Variants in GRIK3 observed in about 807,000 individuals in gnomAD.
GRIK3 encodes glutamate ionotropic receptor kainate type subunit 3.
GRIK3 carries 29 observed loss-of-function variants against 102.5 expected under a neutral mutation model. The ratio of observed to expected loss-of-function variants is 0.28; its 90% CI spans 0.21 to 0.39. The LOEUF is 0.39. Among genes scored for constraint, GRIK3 ranks in the 10% least tolerant of loss-of-function variants. The pLI, the probability that GRIK3 is intolerant of heterozygous loss-of-function variation, is 1.00. For missense variants in GRIK3, 908 were observed against 1,252.4 expected, an observed-to-expected ratio of 0.73 and a Z score of 4.15; for synonymous variants, 511 against 504.9, an observed-to-expected ratio of 1.01 and a Z score of -0.16.
chr1:36,870,747 A>G (rs1640833820), intron 4 of GRIK3, among the ~76,000 whole-genome samples: 1 of 152,214 alleles, frequency 6.6e-6, no homozygotes, highest in Admixed American at 6.5e-5. Flanking sequence ...CCTTGGGTCC[A>G]TTACTTTCCC....
At chr1:36,873,115 C>T (rs1322512629) in intron 3 of GRIK3, among the ~76,000 whole-genome samples, 6 of 152,200 alleles carry the variant, frequency 3.9e-5, no homozygotes, top group Admixed American at 1.3e-4. Context: ...GCAATGGCCT[C>T]CTCTGGCCCC....
intron 15 of GRIK3, among the ~76,000 whole-genome samples, chr1:36,804,173 C>CGT (rs1642473092): frequency 6.6e-6 from 1 of 152,198 alleles, no homozygotes; most frequent in South Asian, 2.1e-4. Context: ...TCGTTTTTTA[C>CGT]GGATATGTAA....
chr1:37,017,739 ACT>A (rs1365040052), intron 1 of GRIK3, among the ~76,000 whole-genome samples: 5 of 151,942 alleles, frequency 3.3e-5, no homozygotes, highest in African/African-American at 7.3e-5. Flanking sequence ...TTTTAAAAAG[ACT>A]CTCTCCAACC....
At chr1:36,944,112 T>C (rs1454583658) in intron 1 of GRIK3, among the ~76,000 whole-genome samples, 2 of 152,330 alleles carry the variant, frequency 1.3e-5, no homozygotes, top group Middle Eastern at 3.4e-3. Flanking sequence ...CTGGGATACA[T>C]ACAGCTCAAA....
chr1:36,985,972 G>A (rs1328271117), intron 1 of GRIK3, among the ~76,000 whole-genome samples: 2 of 151,790 alleles, frequency 1.3e-5, no homozygotes, highest in Non-Finnish European at 2.9e-5. Context: ...GAGTGTAGGG[G>A]CAGGGATGGT....
chr1:37,030,550 C>CG (rs976751082), intron 1 of GRIK3, among the ~76,000 whole-genome samples: 1 of 121,392 alleles, frequency 8.2e-6, no homozygotes, highest in African/African-American at 3.8e-5. Context: ...CCACCCCCTC[C>CG]CCCCCCCCAA....
intron 1 of GRIK3, among the ~76,000 whole-genome samples, chr1:36,979,216 G>A (rs565618526): frequency 9.5e-4 from 144 of 152,324 alleles, no homozygotes; most frequent in African/African-American, 3.2e-3. Flanking sequence ...ACCAGCCCTC[G>A]CTACAACACA....
At chr1:36,960,134 CTGTGCCCCTTGAGCCTG>C (rs1641988885) in intron 1 of GRIK3, among the ~76,000 whole-genome samples, 1 of 93,244 alleles carries the variant, frequency 1.1e-5, no homozygotes, top group East Asian at 6.8e-4. Flanking sequence ...CCTCGTGAGC[CTGTGCCCCTTGAGCCTG>C]TGTGCCCTGT....
intron 1 of GRIK3, among the ~76,000 whole-genome samples, chr1:37,018,931 T>A (rs1453257489): frequency 6.6e-6 from 1 of 152,174 alleles, no homozygotes; most frequent in East Asian, 1.9e-4. Flanking sequence ...GAGAGCCTCT[T>A]TGCTGCAACC....
At chr1:37,002,219 T>A (rs939903182) in intron 1 of GRIK3, among the ~76,000 whole-genome samples, 2 of 152,214 alleles carry the variant, frequency 1.3e-5, no homozygotes, top group African/African-American at 4.8e-5. Flanking sequence ...GCTAGTTGCA[T>A]ATAACAAAGA....
At chr1:36,831,421 C>T (rs913312628) in intron 10 of GRIK3, among the ~76,000 whole-genome samples, 2 of 152,216 alleles carry the variant, frequency 1.3e-5, no homozygotes, top group Non-Finnish European at 2.9e-5. Flanking sequence ...GGACTATTCC[C>T]AGGGGACTCT....
chr1:36,869,884 A>G (rs509284), intron 4 of GRIK3, 83 bp from the exon 5 acceptor site: 913,158 of 989,892 alleles, frequency 0.92, 421,875 homozygotes, highest in East Asian at 0.99. Flanking sequence ...TGAGAATGGG[A>G]CTGGCAGTGG....
chr1:36,837,749 C>T (rs1219394137), intron 10 of GRIK3, among the ~76,000 whole-genome samples: 2 of 152,202 alleles, frequency 1.3e-5, no homozygotes, highest in East Asian at 3.9e-4. Context: ...AGGCTCTCCA[C>T]TCTTGGGGTT....
chr1:36,867,298 C>G (rs1310809087), intron 5 of GRIK3, among the ~76,000 whole-genome samples: 1 of 152,166 alleles, frequency 6.6e-6, no homozygotes, highest in African/African-American at 2.4e-5. Context: ...TGTGGACTGG[C>G]TGAGCATCAG....
intron 1 of GRIK3, among the ~76,000 whole-genome samples, chr1:36,928,053 G>A (rs982434536): frequency 1.2e-4 from 19 of 152,182 alleles, no homozygotes; most frequent in African/African-American, 4.3e-4. Flanking sequence ...GAGTGGGCTG[G>A]GAGGGAGGTT....
chr1:36,861,731 TG>T (rs1486723665), intron 5 of GRIK3, among the ~76,000 whole-genome samples: 6 of 152,122 alleles, frequency 3.9e-5, no homozygotes, highest in African/African-American at 1.4e-4. Context: ...TTCAATGATT[TG>T]GGGAGTAGGG....
At chr1:36,852,054 G>A (rs1640591791) in intron 8 of GRIK3, among the ~76,000 whole-genome samples, 1 of 152,206 alleles carries the variant, frequency 6.6e-6, no homozygotes, top group Admixed American at 6.5e-5. Flanking sequence ...ATCACTGCAG[G>A]AGCTTAAATA....
chr1:36,921,546 C>G (rs754208641), intron 1 of GRIK3, among the ~76,000 whole-genome samples: 1 of 152,102 alleles, frequency 6.6e-6, no homozygotes, highest in African/African-American at 2.4e-5. Context: ...TAGCGGGGTA[C>G]GTAAAGAGCT....
chr1:36,938,387 A>C (rs1260344825), intron 1 of GRIK3, among the ~76,000 whole-genome samples: 1 of 152,222 alleles, frequency 6.6e-6, no homozygotes. Flanking sequence ...CCAAAGTTGA[A>C]TGACCACATA....
Sources: gnomAD v4.1 joint callset for allele counts (sites outside exome capture counted in the v4.1 genomes callset) on GRCh38, gnomAD v4.1.1 for gene constraint, MANE v1.5 for transcripts, NCBI Gene and HGNC (gene_info 2026-07-23, HGNC 2026-07-21) for gene names.